PLCB1: variants seen among roughly 807,000 people sequenced by gnomAD.
PLCB1 encodes the protein 1-phosphatidylinositol 4,5-bisphosphate phosphodiesterase beta-1.
PLCB1 carries 46 observed loss-of-function variants against 161.8 expected under a neutral mutation model. That is an observed-to-expected ratio of 0.28 (90% CI 0.22 to 0.36). The LOEUF (loss-of-function observed/expected upper bound fraction) is 0.36, where lower values mean the gene tolerates loss of function less well. Among genes scored for constraint, PLCB1 ranks in the 10% least tolerant of loss-of-function variants. The probability of loss-of-function intolerance (pLI) is 1.00; values close to 1 mark genes in which losing one functional copy is unlikely to be tolerated. For synonymous variants in PLCB1, 517 were observed against 503.7 expected, an observed-to-expected ratio of 1.03 and a Z score of -0.35; for missense variants, 1,016 against 1,472.5, an observed-to-expected ratio of 0.69 and a Z score of 5.07.
intron 4 of PLCB1, among the ~76,000 whole-genome samples, chr20:8,644,524 G>A (rs1266452469): frequency 1.0e-4 from 15 of 149,140 alleles, no homozygotes; most frequent in African/African-American, 3.7e-4. Flanking sequence ...CTGCCCGGCC[G>A]CCCCGTCTGA....
chr20:8,240,462 A>G (rs1326802631), intron 2 of PLCB1, among the ~76,000 whole-genome samples: 1 of 151,934 alleles, frequency 6.6e-6, no homozygotes, highest in African/African-American at 2.4e-5. Context: ...TTGATGCACA[A>G]TATTTCATCA....
At chr20:8,501,555 G>C (rs1296379757) in intron 3 of PLCB1, among the ~76,000 whole-genome samples, 2 of 152,118 alleles carry the variant, frequency 1.3e-5, no homozygotes, top group East Asian at 3.9e-4. Context: ...CTTCCAGCTT[G>C]CCAGACAGTC....
At chr20:8,626,225 G>A (rs186799570) in intron 3 of PLCB1, among the ~76,000 whole-genome samples, 1 of 151,448 alleles carries the variant, frequency 6.6e-6, no homozygotes, top group Non-Finnish European at 1.5e-5. Flanking sequence ...AATTACTGGG[G>A]AAACTTTTCA....
intron 3 of PLCB1, among the ~76,000 whole-genome samples, chr20:8,374,546 C>T (rs889488769): frequency 6.6e-6 from 1 of 152,010 alleles, no homozygotes; most frequent in South Asian, 2.1e-4. Flanking sequence ...ATGGGGTGGC[C>T]CAAAAGAGAG....
At chr20:8,673,192 A>G (rs945293629) in intron 9 of PLCB1, among the ~76,000 whole-genome samples, 1 of 152,196 alleles carries the variant, frequency 6.6e-6, no homozygotes, top group African/African-American at 2.4e-5. Context: ...GTGAGAGCCT[A>G]TTAAATTATT....
At chr20:8,148,281 G>C (rs922694330) in intron 1 of PLCB1, among the ~76,000 whole-genome samples, 1 of 152,166 alleles carries the variant, frequency 6.6e-6, no homozygotes, top group Non-Finnish European at 1.5e-5. Flanking sequence ...GAGCTGTTAT[G>C]CATGCAATCT....
chr20:8,481,913 G>A (rs1181996882), intron 3 of PLCB1, among the ~76,000 whole-genome samples: 1 of 151,904 alleles, frequency 6.6e-6, no homozygotes, highest in Non-Finnish European at 1.5e-5. Flanking sequence ...TCTCTCCTAT[G>A]ACAAAGGCAA....
At chr20:8,587,031 T>C (rs929219984) in intron 3 of PLCB1, among the ~76,000 whole-genome samples, 4 of 152,162 alleles carry the variant, frequency 2.6e-5, no homozygotes, top group African/African-American at 9.7e-5. Context: ...TTATTAAATT[T>C]GAAGGCCTAA....
At chr20:8,563,964 T>C (rs1009363682) in intron 3 of PLCB1, among the ~76,000 whole-genome samples, 5 of 152,174 alleles carry the variant, frequency 3.3e-5, no homozygotes, top group African/African-American at 1.2e-4. Flanking sequence ...CAAGCTACCA[T>C]TGACTTTCTT....
intron 3 of PLCB1, among the ~76,000 whole-genome samples, chr20:8,506,824 A>G (rs1415574734): frequency 1.3e-5 from 2 of 152,184 alleles, no homozygotes; most frequent in African/African-American, 4.8e-5. Flanking sequence ...TTAAAAGGAT[A>G]TTATTGGAAT....
chr20:8,647,974 T>C, intron 6 of PLCB1, 21 bp downstream of exon 6: 1 of 1,504,354 alleles, frequency 6.6e-7, no homozygotes, highest in Non-Finnish European at 9.0e-7. Flanking sequence ...TGAGCATTTC[T>C]CATTATTCAT....
chr20:8,629,826 TTTCTTTCTTTCTTTCTTTCTTTC>T lies in PLCB1; in HGVS notation c.384+1398_384+1420del, dbSNP rs1568535901. Among the ~76,000 whole-genome samples the T allele has an allele frequency of 1.4e-4, 6 of 42,170 alleles. No individual in the cohort carries two copies. The East Asian group carries it at 4.4e-3, about 31-fold the overall frequency. 27.7% of individuals were successfully genotyped at this position (42,170 alleles called of 152,430 possible). On this transcript the variant is annotated intron_variant, in intron 4 of 31. Coordinates refer to ENST00000338037, the MANE Select transcript of PLCB1 (RefSeq NM_015192.4). ...TTCTTTCTTTTCTTTCTTTTCTTTC[TTTCTTTCTTTCTTTCTTTCTTTC>T]TTTCTTTCTTTCTTTCTTTCTTTCT...
intron 3 of PLCB1, among the ~76,000 whole-genome samples, chr20:8,547,992 C>T (rs1466776653): frequency 2.0e-5 from 3 of 152,086 alleles, no homozygotes; most frequent in African/African-American, 7.2e-5. Flanking sequence ...CCTCCACCTT[C>T]ATATCTCAAG....
At chr20:8,171,268 C>G (rs553286623) in intron 2 of PLCB1, among the ~76,000 whole-genome samples, 9 of 152,134 alleles carry the variant, frequency 5.9e-5, no homozygotes, top group African/African-American at 2.2e-4. Flanking sequence ...ACTTAAAATG[C>G]ATATACATTA....
chr20:8,295,845 G>C (rs1248553909), intron 2 of PLCB1, among the ~76,000 whole-genome samples: 1 of 151,928 alleles, frequency 6.6e-6, no homozygotes, highest in Non-Finnish European at 1.5e-5. Flanking sequence ...GAGTAGATGG[G>C]ACTACAGTTG....
intron 3 of PLCB1, among the ~76,000 whole-genome samples, chr20:8,590,324 G>A (rs1209344957): frequency 1.3e-5 from 2 of 152,130 alleles, no homozygotes; most frequent in African/African-American, 2.4e-5. Context: ...TTATATGAAT[G>A]TAAAATATAT....
intron 9 of PLCB1, among the ~76,000 whole-genome samples, chr20:8,675,397 C>T (rs1337249668): frequency 6.6e-6 from 1 of 152,140 alleles, no homozygotes; most frequent in East Asian, 1.9e-4. Context: ...GACAGATCAT[C>T]CATATGGTGC....
At chr20:8,540,588 G>A (rs1985271223) in intron 3 of PLCB1, among the ~76,000 whole-genome samples, 2 of 152,068 alleles carry the variant, frequency 1.3e-5, no homozygotes, top group South Asian at 4.1e-4. Context: ...AGAGCAGCCA[G>A]ACAACTCCCT....
At chr20:8,635,322 G>GAAAAC (rs1419711548) in intron 4 of PLCB1, among the ~76,000 whole-genome samples, 1 of 152,078 alleles carries the variant, frequency 6.6e-6, no homozygotes, top group Non-Finnish European at 1.5e-5. Flanking sequence ...AAAGGAAAAG[G>GAAAAC]GGAGGCTTTT....
Sources: gnomAD v4.1 joint callset for allele counts (sites outside exome capture counted in the v4.1 genomes callset) on GRCh38, gnomAD v4.1.1 for gene constraint, MANE v1.5 for transcripts, NCBI Gene and HGNC (gene_info 2026-07-23, HGNC 2026-07-21) for gene names.